GON4L: variants seen among roughly 807,000 people sequenced by gnomAD.
GON4L encodes GON-4-like protein.
A neutral mutation model predicts 211.8 loss-of-function variants in GON4L; 87 were observed. That is an observed-to-expected ratio of 0.41 (90% CI 0.35 to 0.49). The LOEUF (loss-of-function observed/expected upper bound fraction) is 0.49, where lower values mean the gene tolerates loss of function less well. Among genes scored for constraint, GON4L ranks in the 20% least tolerant of loss-of-function variants. GON4L has a pLI of 0.15. For synonymous variants in GON4L, 875 were observed against 962.6 expected (o/e 0.91, Z 1.68); for missense variants, 2,155 against 2,659.5 (o/e 0.81, Z 4.17).
At chr1:155,748,601 T>A, downstream of GON4L, 1 of 1,613,234 alleles carries the variant, frequency 6.2e-7, no homozygotes, top group Non-Finnish European at 8.5e-7. Context: ...TTCCTTCTCT[T>A]TAAGTGGTGA....
At chr1:155,788,953 G>C (rs1207031462) in intron 12 of GON4L, among the ~76,000 whole-genome samples, 2 of 151,854 alleles carry the variant, frequency 1.3e-5, no homozygotes, top group Non-Finnish European at 2.9e-5. Context: ...AGCCGGGCAT[G>C]GTAGCAGGCA....
intron 2 of GON4L, among the ~76,000 whole-genome samples, chr1:155,851,268 G>A (rs1300180577): frequency 6.8e-6 from 1 of 147,614 alleles, no homozygotes; most frequent in Non-Finnish European, 1.5e-5. Flanking sequence ...GCAGGAGAAT[G>A]GCATGAACCC....
At chr1:155,801,112 CAAAAAAAAAAAA>C (rs367752032) in intron 11 of GON4L, among the ~76,000 whole-genome samples, 3 of 73,634 alleles carry the variant, frequency 4.1e-5, no homozygotes, top group African/African-American at 1.8e-4. Flanking sequence ...TGCTGCTGCT[CAAAAAAAAAAAA>C]AAAAAAAAAA....
In GON4L at chr1:155,827,030, TG is replaced by T. The variant is rs762745614; in HGVS notation, c.506-3del. Reference sequence around the variant, plus strand: ...CTTCAGAATTCATTTGAGGTTTCCCTGGAAGAATCACAAATATTGCTCCACA... The same window carrying T: ...CTTCAGAATTCATTTGAGGTTTCCCTGAAGAATCACAAATATTGCTCCACA... On this transcript the variant is annotated splice_region_variant and splice_polypyrimidine_tract_variant and intron_variant, in intron 2 of 31. Transcript: ENST00000368331. The T allele has an allele frequency of 3.1e-6, 5 of 1,606,630 alleles. No homozygotes were observed. The highest frequency in any genetic ancestry group is 4.5e-5 in the East Asian group (2 of 44,846).
At chr1:155,817,408 C>G (rs890812758) in intron 6 of GON4L, among the ~76,000 whole-genome samples, 3 of 152,172 alleles carry the variant, frequency 2.0e-5, no homozygotes, top group African/African-American at 4.8e-5. Flanking sequence ...CAAAAGCCAA[C>G]TGGCCATTAG....
intron 10 of GON4L, among the ~76,000 whole-genome samples, chr1:155,808,470 C>G (rs1247052699): frequency 2.0e-5 from 3 of 152,174 alleles, no homozygotes; most frequent in Non-Finnish European, 4.4e-5. Flanking sequence ...CATGTAGTTT[C>G]TGTTCCTTAA....
chr1:155,785,583 T>TG (rs900266299), intron 12 of GON4L, among the ~76,000 whole-genome samples: 1 of 152,070 alleles, frequency 6.6e-6, no homozygotes, highest in African/African-American at 2.4e-5. Flanking sequence ...ATCCCCTCCC[T>TG]GGTCCAATCG....
chr1:155,800,416 G>A (rs527424509), intron 11 of GON4L, among the ~76,000 whole-genome samples: 2 of 150,778 alleles, frequency 1.3e-5, no homozygotes, highest in Non-Finnish European at 3.0e-5. Context: ...AATTAGCCAG[G>A]CATGGTGGCA....
At chr1:155,758,638 G>A (rs1171626332) in intron 24 of GON4L, among the ~76,000 whole-genome samples, 3 of 152,158 alleles carry the variant, frequency 2.0e-5, no homozygotes, top group Non-Finnish European at 4.4e-5. Context: ...CAGCACTTCG[G>A]GAAGCCGAGG....
At position 155,752,555 on chromosome 1, in the gene GON4L, G is replaced by A. The variant is rs1393820783; in HGVS notation, c.5878C>T (p.Arg1960Ter). The part of the protein sequence containing the change: ...LAVGSTLPSP[R>*]EVTVTERLLL... ...AGCCGTTCTGTAACAGTCACTTCTC[G>A]AGGGGATGGCAAAGTGCTCCCCACT... Residue 1960 changes from arginine to a stop codon, truncating the protein, a stop_gained, in exon 30 of 32, where the codon CGA becomes TGA. Transcript: ENST00000368331. LOFTEE classifies it high-confidence loss of function. 1.9e-6 allele frequency: 3 copies of A among 1,597,964 alleles called. No homozygotes were observed. Among genetic ancestry groups the A allele is most frequent in the South Asian group, 1.1e-5 (1 of 89,086 alleles).
chr1:155,802,263 A>C (rs1309701796), intron 11 of GON4L, among the ~76,000 whole-genome samples: 1 of 146,882 alleles, frequency 6.8e-6, no homozygotes, highest in Non-Finnish European at 1.5e-5. Context: ...CATAAACCCC[A>C]AAAAAATCAT....
At chr1:155,771,954 G>A (rs1362542113) in intron 18 of GON4L, among the ~76,000 whole-genome samples, 13 of 152,058 alleles carry the variant, frequency 8.5e-5, no homozygotes, top group Admixed American at 8.5e-4. Flanking sequence ...ACCTGAGTCA[G>A]GAGTTCGAGA....
Position 155,826,697 on chromosome 1 carries a change from G to A in GON4L, c.697+140C>T, listed in dbSNP as rs1571875021. The A allele has an allele frequency of 2.0e-5, 13 of 653,848 alleles. No homozygotes were observed. The South Asian group carries it at 2.3e-4, about 11-fold the overall frequency. The allele number at this position is 653,848 out of a possible 1,614,324, so 40.5% of individuals were successfully genotyped here. On this transcript the variant is annotated intron_variant, in intron 3 of 31. Coordinates refer to ENST00000368331, the MANE Select transcript of GON4L (RefSeq NM_001282860.2). ...GGGTATTGATAACATTCTCTATCTT[G>A]ATCTGGGTCCTGCTTACAAGGGTGT...
chr1:155,856,926 T>G (rs1168821229), intron 1 of GON4L, among the ~76,000 whole-genome samples: 2 of 151,956 alleles, frequency 1.3e-5, no homozygotes, highest in African/African-American at 4.8e-5. Flanking sequence ...GGCACGGCCC[T>G]CTCCTAGGAA....
intron 3 of GON4L, among the ~76,000 whole-genome samples, chr1:155,826,544 C>T (rs1051662669): frequency 2.1e-5 from 3 of 140,826 alleles, no homozygotes; most frequent in East Asian, 2.2e-4. Context: ...TCAGCCTGGG[C>T]GACAAGAACA....
At chr1:155,842,553 A>G (rs954824664) in intron 2 of GON4L, among the ~76,000 whole-genome samples, 2 of 142,508 alleles carry the variant, frequency 1.4e-5, no homozygotes, top group African/African-American at 2.6e-5. Context: ...AAAAACTTGG[A>G]AAGGGCCGGG....
intron 2 of GON4L, among the ~76,000 whole-genome samples, chr1:155,850,382 T>C (rs1240643341): frequency 6.6e-6 from 1 of 152,120 alleles, no homozygotes; most frequent in Non-Finnish European, 1.5e-5. Context: ...AAAACACAGG[T>C]GTCCCAAAAG....
intron 2 of GON4L, among the ~76,000 whole-genome samples, chr1:155,831,122 A>G (rs822482): frequency 0.86 from 131,231 of 151,966 alleles, 58,159 homozygotes; most frequent in East Asian, 1. Flanking sequence ...AATGTGGTGA[A>G]ACGCTATCTC....
At chr1:155,774,916 C>G in intron 17 of GON4L, 86 bp downstream of exon 17, 1 of 1,587,412 alleles carries the variant, frequency 6.3e-7, no homozygotes, top group South Asian at 1.1e-5. Context: ...CATTCCTAGG[C>G]AAGTATCCTT....
Sources: gnomAD v4.1 joint callset for allele counts (sites outside exome capture counted in the v4.1 genomes callset) on GRCh38, gnomAD v4.1.1 for gene constraint, MANE v1.5 for transcripts, NCBI Gene and HGNC (gene_info 2026-07-23, HGNC 2026-07-21) for gene names.